HMCN1: variants seen among roughly 807,000 people sequenced by gnomAD.
HMCN1 encodes hemicentin 1.
HMCN1 carries 321 observed loss-of-function variants against 625.9 expected under a neutral mutation model. The ratio of observed to expected loss-of-function variants is 0.51; its 90% confidence interval spans 0.47 to 0.56. HMCN1 has a LOEUF of 0.56. Among genes scored for constraint, HMCN1 ranks in the 20% least tolerant of loss-of-function variants. The pLI is 0.00. For synonymous variants in HMCN1, 2,425 were observed against 2,417.6 expected (o/e 1.00, Z -0.09); for missense variants, 6,588 against 6,887.3 (o/e 0.96, Z 1.54).
intron 23 of HMCN1, among the ~76,000 whole-genome samples, chr1:185,994,350 G>T (rs542980071): frequency 6.6e-6 from 1 of 152,132 alleles, no homozygotes; most frequent in Non-Finnish European, 1.5e-5. Context: ...AAGATTTCAT[G>T]AGAAACTTTT....
At chr1:186,072,828 C>CT (rs1297617466) in intron 52 of HMCN1, among the ~76,000 whole-genome samples, 1 of 152,172 alleles carries the variant, frequency 6.6e-6, no homozygotes, top group East Asian at 1.9e-4. Flanking sequence ...CATGATGCCC[C>CT]TTGTGCCAGT....
chr1:185,766,896 T>G (rs184857026), intron 1 of HMCN1, among the ~76,000 whole-genome samples: 103 of 151,282 alleles, frequency 6.8e-4, no homozygotes, highest in Middle Eastern at 3.4e-3. Flanking sequence ...GTCAGACAGA[T>G]TATAAAACAA....
intron 46 of HMCN1, among the ~76,000 whole-genome samples, chr1:186,061,136 G>A (rs1014887787): frequency 6.6e-6 from 1 of 151,900 alleles, no homozygotes; most frequent in Non-Finnish European, 1.5e-5. Context: ...ACTCACAATA[G>A]CATCTGTATT....
chr1:185,864,178 T>TA (rs1663038831), intron 2 of HMCN1, among the ~76,000 whole-genome samples: 2 of 152,002 alleles, frequency 1.3e-5, no homozygotes, highest in Non-Finnish European at 2.9e-5. Context: ...GAAGAGGGGG[T>TA]GTATGAGATC....
chr1:186,158,917 A>G (rs990543780), intron 97 of HMCN1, among the ~76,000 whole-genome samples: 37 of 151,800 alleles, frequency 2.4e-4, no homozygotes, highest in Admixed American at 2.2e-3. Flanking sequence ...TTGGCAATGC[A>G]GGCTCTTTTT....
At chr1:186,108,857 G>C (rs1368007424) in intron 71 of HMCN1, among the ~76,000 whole-genome samples, 1 of 152,220 alleles carries the variant, frequency 6.6e-6, no homozygotes, top group Non-Finnish European at 1.5e-5. Context: ...GCCAAAGTTT[G>C]TATTTCCTAG....
At chr1:185,895,329 T>C (rs1356661444) in intron 4 of HMCN1, among the ~76,000 whole-genome samples, 1 of 152,194 alleles carries the variant, frequency 6.6e-6, no homozygotes, top group Non-Finnish European at 1.5e-5. Flanking sequence ...TATTAGATAA[T>C]TATCCTATAC....
At chr1:186,067,503 G>C (rs897847727) in intron 49 of HMCN1, among the ~76,000 whole-genome samples, 1 of 152,020 alleles carries the variant, frequency 6.6e-6, no homozygotes, top group African/African-American at 2.4e-5. Flanking sequence ...TCTCTAATGA[G>C]ACCCTTCACA....
At chr1:186,177,400 G>A (rs1377385430) in intron 103 of HMCN1, 1 of 152,176 alleles carries the variant, frequency 6.6e-6, no homozygotes, top group African/African-American at 2.4e-5. Context: ...ATTCAGAAAA[G>A]AATGCACTGA....
chr1:185,900,302 G>C (rs1265409639), intron 4 of HMCN1, among the ~76,000 whole-genome samples: 2 of 151,898 alleles, frequency 1.3e-5, no homozygotes, highest in South Asian at 2.1e-4. Flanking sequence ...ATAAAGTTTT[G>C]CTGTAATTTA....
chr1:186,125,642 G>C lies in HMCN1; in HGVS notation c.12538G>C (p.Val4180Leu). 1 of 1,613,286 alleles carries C rather than the reference G, an allele frequency of 6.2e-7. No individual in the cohort carries two copies. The highest frequency in any genetic ancestry group is 1.1e-5 in the South Asian group (1 of 91,072). ...CAGAAGTACAGAAGGACACTACACGGTCAATGAGAATTCACAAGCCATTCT... is the reference window on the plus strand; with the variant it reads ...CAGAAGTACAGAAGGACACTACACGCTCAATGAGAATTCACAAGCCATTCT... Reference protein sequence around the residue: ...RIRSTEGHYTVNENSQAILPC... With the variant: ...RIRSTEGHYTLNENSQAILPC... The change falls in exon 82 of 107, where the codon GTC becomes CTC. Residue 4180 changes from valine to leucine, a missense_variant. Coordinates refer to ENST00000271588, the MANE Select transcript of HMCN1 (RefSeq NM_031935.3).
At chr1:186,149,183 G>C (rs1324770708) in intron 93 of HMCN1, among the ~76,000 whole-genome samples, 1 of 152,138 alleles carries the variant, frequency 6.6e-6, no homozygotes, top group East Asian at 1.9e-4. Context: ...TTGGAGCTTT[G>C]AAGCCAGGCA....
At chr1:185,987,894 G>A (rs1392241168) in intron 20 of HMCN1, among the ~76,000 whole-genome samples, 1 of 152,016 alleles carries the variant, frequency 6.6e-6, no homozygotes, top group Non-Finnish European at 1.5e-5. Flanking sequence ...GTGCAAGAAG[G>A]ATGACCCTGG....
chr1:185,951,521 G>A (rs1212137305), intron 11 of HMCN1, among the ~76,000 whole-genome samples: 1 of 150,346 alleles, frequency 6.7e-6, no homozygotes, highest in East Asian at 1.9e-4. Context: ...TGTCCATGAT[G>A]GTCTAGGGGG....
chr1:185,838,305 G>T (rs1243402856), intron 1 of HMCN1, among the ~76,000 whole-genome samples: 1 of 152,158 alleles, frequency 6.6e-6, no homozygotes, highest in Non-Finnish European at 1.5e-5. Flanking sequence ...AGGTGTGCTT[G>T]GTAGCTGGGT....
At chr1:185,981,134 T>C (rs1195265941) in intron 17 of HMCN1, 61 bp downstream of exon 17, 36 of 988,182 alleles carry the variant, frequency 3.6e-5, no homozygotes, top group Non-Finnish European at 5.1e-5. Flanking sequence ...TCTTTTACTA[T>C]GTCATCTCTT....
intron 80 of HMCN1, 125 bp downstream of exon 80, chr1:186,120,270 T>C: frequency 9.1e-7 from 1 of 1,092,920 alleles, no homozygotes; most frequent in Non-Finnish European, 1.3e-6. Flanking sequence ...TTAGTTTGCA[T>C]TATCCTATTG....
chr1:186,060,426 T>A (rs1160434579), intron 46 of HMCN1, among the ~76,000 whole-genome samples: 1 of 152,116 alleles, frequency 6.6e-6, no homozygotes, highest in African/African-American at 2.4e-5. Context: ...CAGGACTTTG[T>A]TCTCTCAGTG....
At position 185,923,628 on chromosome 1, in the gene HMCN1, T is replaced by C. The variant is rs1247913580; in HGVS notation, c.1260T>C (p.Ser420=). 6.2e-7 allele frequency: 1 copy of C among 1,606,008 alleles called. No homozygotes were observed. Among genetic ancestry groups the C allele is most frequent in the South Asian group, 1.1e-5 (1 of 91,006 alleles). Residue 420 remains serine (S), a synonymous_variant, in exon 8 of 107, where the codon AGT becomes AGC. Transcript: ENST00000271588. Reference sequence around the variant, plus strand: ...ATTACCTCTTCCAGAGAGTATCAAGTGTTTCCTTTTCTAGTATTGTCCCAG... The same window carrying C: ...ATTACCTCTTCCAGAGAGTATCAAGCGTTTCCTTTTCTAGTATTGTCCCAG... ...KDDYLFQRVS[S]VSFSSIVPDA...
Sources: allele counts gnomAD v4.1 joint callset (sites outside exome capture counted in the v4.1 genomes callset), GRCh38; gene constraint gnomAD v4.1.1; transcripts MANE v1.5; gene names NCBI Gene and HGNC (gene_info 2026-07-23, HGNC 2026-07-21).